The following MECOM variants were observed in gnomAD, a reference collection of about 807,000 sequenced individuals.
MECOM encodes the protein MDS1 and EVI1 complex locus.
Under a neutral mutation model 116.3 loss-of-function variants are expected in MECOM, and 13 were observed. That is an observed-to-expected ratio of 0.11 (90% CI 0.07 to 0.18). The LOEUF is 0.18. Among genes scored for constraint, MECOM ranks in the 10% least tolerant of loss-of-function variants. MECOM has a pLI of 1.00. For missense variants in MECOM, 1,299 were observed against 1,509.0 expected (o/e 0.86, Z 2.31); for synonymous variants, 528 against 535.2 (o/e 0.99, Z 0.19).
intron 1 of MECOM, among the ~76,000 whole-genome samples, chr3:169,522,392 T>C (rs1285244915): frequency 6.6e-6 from 1 of 152,200 alleles, no homozygotes; most frequent in African/African-American, 2.4e-5. Flanking sequence ...TTTGGAGGCA[T>C]GTGGAGTTAA....
At chr3:169,306,925 ACTCCCAAACT>A (rs1344252117) in intron 2 of MECOM, among the ~76,000 whole-genome samples, 14 of 152,016 alleles carry the variant, frequency 9.2e-5, no homozygotes, top group East Asian at 5.8e-4. Context: ...GAAGTTGATG[ACTCCCAAACT>A]CTTATCTCCA....
At chr3:169,577,963 A>G (rs1274692614) in intron 1 of MECOM, among the ~76,000 whole-genome samples, 1 of 152,162 alleles carries the variant, frequency 6.6e-6, no homozygotes, top group Non-Finnish European at 1.5e-5. Context: ...TGAATTGACC[A>G]TGCATTCCTT....
intron 2 of MECOM, among the ~76,000 whole-genome samples, chr3:169,264,987 G>T (rs920421544): frequency 2.0e-5 from 3 of 151,794 alleles, no homozygotes; most frequent in African/African-American, 7.3e-5. Context: ...AACTGGAACT[G>T]TCAGGATCTC....
chr3:169,532,680 C>T (rs1219170838), intron 1 of MECOM, among the ~76,000 whole-genome samples: 2 of 152,172 alleles, frequency 1.3e-5, no homozygotes, highest in Non-Finnish European at 2.9e-5. Context: ...CTAATTGAAG[C>T]TGCTTAATCG....
intron 2 of MECOM, among the ~76,000 whole-genome samples, chr3:169,328,598 T>A (rs62293346): frequency 0.079 from 11,997 of 152,240 alleles, 479 homozygotes; most frequent in East Asian, 0.11. Context: ...TGTCTATGAA[T>A]GTATAGTGTG....
chr3:169,577,585 A>G lies in MECOM; in HGVS notation c.37+85751T>C, dbSNP rs375960124. On this transcript the variant is annotated intron_variant, in intron 1 of 16. Transcript: ENST00000651503. ...AGAAGGTAAAGAAAAGACCAGACTC[A>G]TAGTGTTAGGCCCCATGGAGGTGTT... 1.3e-4 allele frequency among the ~76,000 whole-genome samples: 20 copies of G among 152,190 alleles called. No individual in the cohort carries two copies. In the East Asian group the frequency reaches 1.7e-3, roughly 13 times the overall value.
chr3:169,585,570 A>C (rs1053685385), intron 1 of MECOM, among the ~76,000 whole-genome samples: 2 of 152,182 alleles, frequency 1.3e-5, no homozygotes, highest in African/African-American at 4.8e-5. Flanking sequence ...GCCAAGAACC[A>C]GGTATTATTA....
At chr3:169,625,386 T>C (rs1280630478) in intron 1 of MECOM, among the ~76,000 whole-genome samples, 1 of 152,180 alleles carries the variant, frequency 6.6e-6, no homozygotes, top group African/African-American at 2.4e-5. Flanking sequence ...TTAAAGCTGT[T>C]TTCACAACAG....
chr3:169,568,338 C>T (rs970736950), intron 1 of MECOM, among the ~76,000 whole-genome samples: 1 of 151,996 alleles, frequency 6.6e-6, no homozygotes, highest in African/African-American at 2.4e-5. Flanking sequence ...TTTTTTCATA[C>T]CCCAGTGGCA....
chr3:169,129,551 G>A (rs909347917), intron 4 of MECOM, among the ~76,000 whole-genome samples: 4 of 151,990 alleles, frequency 2.6e-5, no homozygotes, highest in Non-Finnish European at 4.4e-5. Context: ...TTAGAGGGTC[G>A]AGAGAGGGAA....
At chr3:169,338,884 A>G (rs967695487) in intron 2 of MECOM, among the ~76,000 whole-genome samples, 1 of 152,098 alleles carries the variant, frequency 6.6e-6, no homozygotes, top group Non-Finnish European at 1.5e-5. Context: ...AGAGAGTGAT[A>G]GGAAAAGGGG....
chr3:169,269,977 T>A (rs1448656795), intron 2 of MECOM, among the ~76,000 whole-genome samples: 1 of 152,096 alleles, frequency 6.6e-6, no homozygotes, highest in Non-Finnish European at 1.5e-5. Flanking sequence ...GGTGTGTGTG[T>A]GTGTGTGTGT....
chr3:169,405,187 T>G (rs1037856063), intron 1 of MECOM, among the ~76,000 whole-genome samples: 4 of 152,158 alleles, frequency 2.6e-5, no homozygotes, highest in African/African-American at 9.7e-5. Context: ...TCTCTTTCTC[T>G]GTCTCTCTCT....
intron 2 of MECOM, among the ~76,000 whole-genome samples, chr3:169,171,075 G>A (rs1023968630): frequency 6.6e-5 from 10 of 151,994 alleles, no homozygotes; most frequent in African/African-American, 2.4e-4. Context: ...TAAATTATTA[G>A]CATTATTTTA....
At chr3:169,093,495 C>T (rs145239783) in intron 13 of MECOM, among the ~76,000 whole-genome samples, 1 of 152,252 alleles carries the variant, frequency 6.6e-6, no homozygotes, top group South Asian at 2.1e-4. Flanking sequence ...AGTCAACATG[C>T]CTTTTTATTT....
At chr3:169,316,352 A>T (rs1719744792) in intron 2 of MECOM, among the ~76,000 whole-genome samples, 1 of 152,222 alleles carries the variant, frequency 6.6e-6, no homozygotes, top group Non-Finnish European at 1.5e-5. Flanking sequence ...CTTGCCAAAA[A>T]TACCCAGATA....
chr3:169,639,737 C>A (rs1461556263), intron 1 of MECOM, among the ~76,000 whole-genome samples: 1 of 152,152 alleles, frequency 6.6e-6, no homozygotes, highest in African/African-American at 2.4e-5. Flanking sequence ...TCACAGTTCA[C>A]AAAACCCCAA....
chr3:169,115,607 A>T lies in MECOM; in HGVS notation c.2265T>A (p.Thr755=), dbSNP rs1408903212. 6.2e-7 allele frequency: 1 copy of T among 1,613,844 alleles called. No homozygotes were observed. The highest frequency in any genetic ancestry group is 8.5e-7 in the Non-Finnish European group (1 of 1,179,998). The change falls in exon 8 of 17, where the codon ACT becomes ACA. Residue 755 remains threonine, a synonymous_variant. Transcript: ENST00000651503. ...TCACTGGAGGCTTGGAGGGGACTGG[A>T]GTCAAGGGCTTCTCATCCTTTCGCT... The part of the protein sequence containing the change: ...TTKRKDEKPL[T]PVPSKPPVTP...
intron 2 of MECOM, among the ~76,000 whole-genome samples, chr3:169,292,814 A>G (rs1291313543): frequency 6.6e-6 from 1 of 152,188 alleles, no homozygotes; most frequent in Non-Finnish European, 1.5e-5. Flanking sequence ...GCAGCCTCCC[A>G]GGGAATGGAA....
Sources: allele counts gnomAD v4.1 joint callset (sites outside exome capture counted in the v4.1 genomes callset), GRCh38; gene constraint gnomAD v4.1.1; transcripts MANE v1.5; gene names NCBI Gene and HGNC (gene_info 2026-07-23, HGNC 2026-07-21).